The following TMEM135 variants were observed in gnomAD, a reference collection of about 807,000 sequenced individuals.
The protein encoded by TMEM135 is peroxisomal membrane protein 52.
TMEM135 carries 30 observed loss-of-function variants against 60.3 expected under a neutral mutation model. The ratio of observed to expected loss-of-function variants is 0.50; its 90% confidence interval spans 0.37 to 0.68. TMEM135 has a LOEUF of 0.68. Ranked by LOEUF, TMEM135 falls within the 30% of genes least tolerant of loss-of-function variation. TMEM135 has a pLI of 0.00. For missense variants in TMEM135, 468 were observed against 548.8 expected (o/e 0.85, Z 1.47); for synonymous variants, 190 against 186.7 (o/e 1.02, Z -0.14).
intron 6 of TMEM135, among the ~76,000 whole-genome samples, chr11:87,256,111 A>T (rs1461749908): frequency 1.3e-5 from 2 of 152,186 alleles, no homozygotes; most frequent in African/African-American, 4.8e-5. Flanking sequence ...CTTTTAATGG[A>T]TGTCTTTTAA....
intron 3 of TMEM135, among the ~76,000 whole-genome samples, chr11:87,089,118 C>G (rs147185615): frequency 9.6e-4 from 146 of 152,080 alleles, no homozygotes; most frequent in African/African-American, 3.2e-3. Flanking sequence ...GGATCTCATC[C>G]CCAAGTTATT....
Position 87,067,833 on chromosome 11 carries a change from T to G in TMEM135, c.269+12T>G. ...TTTTGCATTTTAAGGTTGGTACTCA[T>G]AATCACCATAGATACTAATATAGGT... On this transcript the variant is annotated intron_variant, in intron 2 of 14. Transcript: ENST00000305494. 1.9e-6 allele frequency: 3 copies of G among 1,613,176 alleles called. No homozygotes were observed. Among genetic ancestry groups the G allele is most frequent in the Non-Finnish European group, 2.5e-6 (3 of 1,179,456 alleles).
chr11:87,116,343 G>A (rs1857879372), intron 4 of TMEM135, among the ~76,000 whole-genome samples: 1 of 152,108 alleles, frequency 6.6e-6, no homozygotes, highest in East Asian at 1.9e-4. Context: ...GCTTCAATTT[G>A]CATTTCAATC....
In TMEM135 at chr11:87,198,619, C is replaced by T. The variant is rs1940018296; in HGVS notation, c.463-38019C>T. ...CCTTGCTTCCTCTTCCTTTCCATCTCCTCTTTCTCTCCTCTCCCTCTCTTC... is the reference window on the plus strand; with the variant it reads ...CCTTGCTTCCTCTTCCTTTCCATCTTCTCTTTCTCTCCTCTCCCTCTCTTC... On this transcript the variant is annotated intron_variant, in intron 5 of 14. Coordinates refer to ENST00000305494, the MANE Select transcript of TMEM135 (RefSeq NM_022918.4). Among the ~76,000 whole-genome samples, 3 of 144,078 alleles carry T rather than the reference C, an allele frequency of 2.1e-5. No homozygotes were observed. In the Admixed American group the frequency reaches 2.1e-4, roughly 10 times the overall value. 94.5% of individuals were successfully genotyped at this position (144,078 alleles called of 152,430 possible).
intron 10 of TMEM135, among the ~76,000 whole-genome samples, chr11:87,311,436 A>G (rs1942639770): frequency 6.6e-6 from 1 of 152,066 alleles, no homozygotes; most frequent in South Asian, 2.1e-4. Flanking sequence ...TTATATTCAC[A>G]TTTAAAAAAA....
In TMEM135 at chr11:87,248,219, C is replaced by T. The variant is rs539773670; in HGVS notation, c.509+11535C>T. ...TGCTTTCTTTTGGGAGTACACCTAG[C>T]AGTGAGATTGCTGTTTCATATTGTA... On this transcript the variant is annotated intron_variant, in intron 6 of 14. Coordinates refer to ENST00000305494, the MANE Select transcript of TMEM135 (RefSeq NM_022918.4). 2.0e-5 allele frequency among the ~76,000 whole-genome samples: 3 copies of T among 152,256 alleles called. No homozygotes were observed. In the South Asian group the frequency reaches 6.2e-4, roughly 32 times the overall value.
At position 87,324,193 on chromosome 11, in the gene TMEM135, A is replaced by T. The variant is rs538539674; in HGVS notation, c.*2860A>T. 18 of 454,014 alleles carry T rather than the reference A, an allele frequency of 4.0e-5. No homozygotes were observed. Among genetic ancestry groups the T allele is most frequent in the African/African-American group, 3.6e-4 (18 of 50,092 alleles). 28.1% of individuals were successfully genotyped at this position (454,014 alleles called of 1,614,324 possible). On this transcript the variant is annotated 3_prime_UTR_variant, in exon 15 of 15. Coordinates refer to ENST00000305494, the MANE Select transcript of TMEM135 (RefSeq NM_022918.4). ...CGTAATTGTTTCCTGCTTATATTTT[A>T]TCATATCCCTGAGCTTCTGTGTGCT...
At chr11:87,188,038 A>T (rs887134436) in intron 5 of TMEM135, among the ~76,000 whole-genome samples, 2 of 152,256 alleles carry the variant, frequency 1.3e-5, no homozygotes, top group Admixed American at 6.5e-5. Flanking sequence ...TTTATTCAGA[A>T]TTCCCACTTA....
At chr11:87,066,114 A>G (rs889515316) in intron 1 of TMEM135, among the ~76,000 whole-genome samples, 2 of 152,186 alleles carry the variant, frequency 1.3e-5, no homozygotes. Context: ...TTGATCACTG[A>G]CTTTCGGAAA....
intron 1 of TMEM135, among the ~76,000 whole-genome samples, chr11:87,062,446 A>G (rs3100848): frequency 8.7e-4 from 42 of 48,456 alleles, no homozygotes; most frequent in African/African-American, 3.6e-3. Context: ...TAGATGTCCA[A>G]TTCTTCTAAT....
intron 5 of TMEM135, among the ~76,000 whole-genome samples, chr11:87,216,902 G>T (rs1219594019): frequency 3.3e-5 from 5 of 152,182 alleles, no homozygotes; most frequent in African/African-American, 9.6e-5. Flanking sequence ...AAGTAAAATT[G>T]TACAAAATTA....
chr11:87,222,644 A>C (rs1469009002), intron 5 of TMEM135, among the ~76,000 whole-genome samples: 1 of 148,482 alleles, frequency 6.7e-6, no homozygotes, highest in Non-Finnish European at 1.5e-5. Flanking sequence ...TCTCTATTAA[A>C]AATACAAAAA....
Position 87,302,369 on chromosome 11 carries a change from A to G in TMEM135, c.625A>G (p.Lys209Glu), listed in dbSNP as rs906726263. ...GGCAGCATATGCAAAAGTGGAACAAAAGAGAGAGCAACATGAGGAAAAACC... is the reference window on the plus strand; with the variant it reads ...GGCAGCATATGCAAAAGTGGAACAAGAGAGAGAGCAACATGAGGAAAAACC... ...PEAAYAKVEQ[K>E]REQHEEKPGR... Residue 209 changes from lysine to glutamate, a missense_variant, in exon 8 of 15, where the codon AAG becomes GAG. Coordinates refer to ENST00000305494, the MANE Select transcript of TMEM135 (RefSeq NM_022918.4). The G allele has an allele frequency of 6.2e-7, 1 of 1,613,912 alleles. No individual in the cohort carries two copies. Among genetic ancestry groups the G allele is most frequent in the East Asian group, 2.2e-5 (1 of 44,800 alleles).
intron 5 of TMEM135, among the ~76,000 whole-genome samples, chr11:87,161,158 A>G (rs982851176): frequency 3.3e-4 from 50 of 152,074 alleles, no homozygotes; most frequent in African/African-American, 1.2e-3. Context: ...TCCGCCTCCC[A>G]AAGTGTTGGA....
At chr11:87,174,352 A>G (rs1169188876) in intron 5 of TMEM135, among the ~76,000 whole-genome samples, 2 of 152,128 alleles carry the variant, frequency 1.3e-5, no homozygotes, top group African/African-American at 4.8e-5. Context: ...TCCCCATATC[A>G]TGTAGGAAAA....
At chr11:87,155,710 G>GCT (rs1169770116) in intron 4 of TMEM135, among the ~76,000 whole-genome samples, 1 of 152,178 alleles carries the variant, frequency 6.6e-6, no homozygotes, top group African/African-American at 2.4e-5. Context: ...GTCCAAGAGT[G>GCT]CAGGGTGAGA....
chr11:87,166,626 G>T (rs148991660), intron 5 of TMEM135, among the ~76,000 whole-genome samples: 3 of 151,354 alleles, frequency 2.0e-5, no homozygotes, highest in Admixed American at 6.6e-5. Context: ...GATGTGTGGC[G>T]TTATTTCTGA....
At chr11:87,247,870 C>A (rs78737158) in intron 6 of TMEM135, among the ~76,000 whole-genome samples, 1 of 152,030 alleles carries the variant, frequency 6.6e-6, no homozygotes, top group Non-Finnish European at 1.5e-5. Context: ...CACTGTACTG[C>A]ACCCACTCTC....
rs1335832969 is a variant in TMEM135 at position 87,328,524 on chromosome 11, C to T, written c.*7191C>T. 4.4e-6 allele frequency: 2 copies of T among 454,044 alleles called. No homozygotes were observed. Among genetic ancestry groups the T allele is most frequent in the Admixed American group, 2.4e-5 (1 of 42,552 alleles). 28.1% of individuals were successfully genotyped at this position (454,044 alleles called of 1,614,324 possible). A position where few individuals can be genotyped will look rare whatever the true frequency, so the allele number is the denominator to read the frequency against. On this transcript the variant is annotated 3_prime_UTR_variant, in exon 15 of 15. Transcript: ENST00000305494. Reference sequence around the variant, plus strand: ...CCTTCCCCTTCTGAGTCTCCATAGTCCATTATATCACTCTGTATACCCTTG... The same window carrying T: ...CCTTCCCCTTCTGAGTCTCCATAGTTCATTATATCACTCTGTATACCCTTG...
Sources: gnomAD v4.1 joint callset for allele counts (sites outside exome capture counted in the v4.1 genomes callset) on GRCh38, gnomAD v4.1.1 for gene constraint, MANE v1.5 for transcripts, NCBI Gene and HGNC (gene_info 2026-07-23, HGNC 2026-07-21) for gene names.